Variants in RTF1 observed in about 807,000 individuals in gnomAD.
The protein encoded by RTF1 is RTF1 homolog, Paf1/RNA polymerase II complex component.
Under a neutral mutation model 95.7 loss-of-function variants are expected in RTF1, and 10 were observed. The ratio of observed to expected loss-of-function variants is 0.10; its 90% CI spans 0.06 to 0.18. The LOEUF (loss-of-function observed/expected upper bound fraction) is 0.18, where lower values mean the gene tolerates loss of function less well. Ranked by LOEUF, RTF1 falls within the 10% of genes least tolerant of loss-of-function variation. The pLI is 1.00. For synonymous variants in RTF1, 305 were observed against 311.8 expected, an observed-to-expected ratio of 0.98 and a Z score of 0.23; for missense variants, 458 against 875.6, an observed-to-expected ratio of 0.52 and a Z score of 6.02.
chr15:41,438,145 A>G lies in RTF1; in HGVS notation c.199-176A>G, dbSNP rs577688949. Among the ~76,000 whole-genome samples, 11 of 151,252 alleles carry G rather than the reference A, an allele frequency of 7.3e-5. No homozygotes were observed. In the East Asian group the frequency reaches 1.9e-3, roughly 26 times the overall value. On this transcript the variant is annotated intron_variant, in intron 1 of 17. Transcript: ENST00000389629. ...GGGCAGATTTTCTAAACATTTCTTC[A>G]GCATCTTGGAATCCTAGCAGTCAGT...
intron 3 of RTF1, among the ~76,000 whole-genome samples, chr15:41,457,360 C>A (rs371031149): frequency 6.2e-4 from 95 of 152,152 alleles, no homozygotes; most frequent in Middle Eastern, 3.4e-3. Context: ...ATGGTGAAAC[C>A]CCGTCTCCAA....
At chr15:41,439,421 A>G (rs2050721657) in intron 2 of RTF1, among the ~76,000 whole-genome samples, 1 of 152,168 alleles carries the variant, frequency 6.6e-6, no homozygotes, top group Non-Finnish European at 1.5e-5. Flanking sequence ...TTAATGGGAA[A>G]TACTTTAGTG....
Position 41,480,228 on chromosome 15 carries a change from T to C in RTF1, c.1929T>C (p.Asp643=). ...TCACATTCCAGGGTCAAGGCAAAGATAAAGATTTGAATTCTAAGTCAGCCA... is the reference window on the plus strand; with the variant it reads ...TCACATTCCAGGGTCAAGGCAAAGACAAAGATTTGAATTCTAAGTCAGCCA... ...PKEMSKGQGK[D]KDLNSKSASD... is the part of the protein sequence containing the mutation. The change falls in exon 17 of 18, where the codon GAT becomes GAC. Residue 643 remains aspartate, a synonymous_variant. Coordinates refer to ENST00000389629, the MANE Select transcript of RTF1 (RefSeq NM_015138.5). 6.2e-7 allele frequency: 1 copy of C among 1,611,718 alleles called. No individual in the cohort carries two copies. The highest frequency in any genetic ancestry group is 8.5e-7 in the Non-Finnish European group (1 of 1,177,790).
chr15:41,458,839 A>T (rs763957095), intron 4 of RTF1, among the ~76,000 whole-genome samples: 10 of 152,064 alleles, frequency 6.6e-5, no homozygotes, highest in Non-Finnish European at 1.3e-4. Flanking sequence ...TGGGAGGCCA[A>T]GGCGGGCGGA....
intron 2 of RTF1, among the ~76,000 whole-genome samples, chr15:41,440,558 C>T (rs2140952733): frequency 6.8e-6 from 1 of 146,780 alleles, no homozygotes; most frequent in Non-Finnish European, 1.5e-5. Context: ...GGTGCGATCT[C>T]AGCTCACTGC....
chr15:41,438,393 G>A lies in RTF1; in HGVS notation c.271G>A (p.Ala91Thr). ...EKEPPVSQPA[A>T]SSDSETSDSD... is the part of the protein sequence containing the mutation. ...GGAGCCGCCTGTGAGTCAGCCTGCA[G>A]CCTCGTCAGACTCGGAGACGTCTGA... Residue 91 changes from alanine to threonine, a missense_variant, in exon 2 of 18, where the codon GCC becomes ACC. This residue lies in a region of RTF1 where 44 missense variants were observed against 99.5 expected (regional missense o/e 0.44). Coordinates refer to ENST00000389629, the MANE Select transcript of RTF1 (RefSeq NM_015138.5). 4 of 1,551,324 alleles carry A rather than the reference G, an allele frequency of 2.6e-6. No homozygotes were observed. The highest frequency in any genetic ancestry group is 3.5e-6 in the Non-Finnish European group (4 of 1,146,706).
rs1370861634 is a variant in RTF1 at position 41,476,431 on chromosome 15, T to C, written c.1483-15T>C. On this transcript the variant is annotated splice_polypyrimidine_tract_variant and intron_variant, in intron 11 of 17. Coordinates refer to ENST00000389629, the MANE Select transcript of RTF1 (RefSeq NM_015138.5). ...TTAGGAATACCTCACTGCTGGTATC[T>C]CCTCTCTGGTACAGATTGTAAAAGA... 1 of 1,609,728 alleles carries C rather than the reference T, an allele frequency of 6.2e-7. No homozygotes were observed. Among genetic ancestry groups the C allele is most frequent in the East Asian group, 2.2e-5 (1 of 44,840 alleles).
intron 1 of RTF1, among the ~76,000 whole-genome samples, chr15:41,430,364 T>C (rs2050663222): frequency 6.6e-6 from 1 of 151,784 alleles, no homozygotes; most frequent in South Asian, 2.1e-4. Flanking sequence ...CAACTAATCT[T>C]TTGTATTTTT....
Position 41,434,050 on chromosome 15 carries a change from G to A in RTF1, c.199-4271G>A, listed in dbSNP as rs191101143. ...AGTAGAGATGCGGTTTCTCCATGTT[G>A]GTCAGGCTGGTCTCGAACTCCCAAC... is the stretch of plus-strand genomic sequence containing the variant. On this transcript the variant is annotated intron_variant, in intron 1 of 17. Transcript: ENST00000389629. 1.2e-3 allele frequency among the ~76,000 whole-genome samples: 178 copies of A among 151,532 alleles called. 1 individual carries two copies. Among genetic ancestry groups the A allele is most frequent in the Non-Finnish European group, 1.6e-3 (110 of 67,938 alleles).
chr15:41,457,447 C>T (rs1260349827), intron 3 of RTF1, among the ~76,000 whole-genome samples: 7 of 152,050 alleles, frequency 4.6e-5, no homozygotes, highest in Non-Finnish European at 5.9e-5. Context: ...GCAGGAGAAT[C>T]GCTTGAACCC....
chr15:41,480,450 A>C (rs915674346), intron 17 of RTF1, 125 bp downstream of exon 17: 1 of 942,848 alleles, frequency 1.1e-6, no homozygotes, highest in Non-Finnish European at 1.7e-6. Flanking sequence ...TCCACAGGCC[A>C]GGCCAAGACA....
At chr15:41,454,397 A>T (rs1448855662) in intron 3 of RTF1, among the ~76,000 whole-genome samples, 2 of 152,118 alleles carry the variant, frequency 1.3e-5, no homozygotes, top group African/African-American at 2.4e-5. Context: ...GGCCATAAAA[A>T]AATTTTTTTT....
chr15:41,471,371 C>CAATTGTAT (rs770034790), intron 8 of RTF1, 22 bp downstream of exon 8: 36 of 1,594,990 alleles, frequency 2.3e-5, no homozygotes, highest in Middle Eastern at 1.7e-4. Context: ...TTCCCTTGGA[C>CAATTGTAT]AATTGTCCAT....
intron 1 of RTF1, among the ~76,000 whole-genome samples, chr15:41,424,106 TTGGG>T (rs749348431): frequency 3.4e-4 from 51 of 152,152 alleles, no homozygotes; most frequent in Non-Finnish European, 2.4e-4. Context: ...ACTAGAGCTA[TTGGG>T]TGAACAAAAT....
chr15:41,479,738 C>T (rs977140147), intron 16 of RTF1, among the ~76,000 whole-genome samples: 6 of 151,732 alleles, frequency 4.0e-5, no homozygotes, highest in South Asian at 2.1e-4. Flanking sequence ...TGGCGGGTTC[C>T]GATAACTCCA....
intron 1 of RTF1, among the ~76,000 whole-genome samples, chr15:41,432,238 G>A (rs1321725691): frequency 2.7e-5 from 4 of 147,760 alleles, no homozygotes; most frequent in Non-Finnish European, 4.5e-5. Context: ...CTGTCACTCA[G>A]TCTGGATGGA....
chr15:41,466,113 G>A lies in RTF1; in HGVS notation c.778-28G>A, dbSNP rs1049990202. Reference sequence around the variant, plus strand: ...ATCTTATCAGCTGTTGGTAAAAAGGGCCATTCTATATATCCTTCCCTTCCT... The same window carrying A: ...ATCTTATCAGCTGTTGGTAAAAAGGACCATTCTATATATCCTTCCCTTCCT... On this transcript the variant is annotated intron_variant, in intron 5 of 17. Coordinates refer to ENST00000389629, the MANE Select transcript of RTF1 (RefSeq NM_015138.5). 3.5e-6 allele frequency: 5 copies of A among 1,432,032 alleles called. 1 individual carries two copies. In the African/African-American group the frequency reaches 5.7e-5, roughly 16 times the overall value. The allele number at this position is 1,432,032 out of a possible 1,614,324, so 88.7% of individuals were successfully genotyped here.
chr15:41,436,232 A>G (rs1410632495), intron 1 of RTF1, among the ~76,000 whole-genome samples: 1 of 150,864 alleles, frequency 6.6e-6, no homozygotes, highest in Non-Finnish European at 1.5e-5. Flanking sequence ...CAGGCGGATC[A>G]CGAGGTCAGG....
At chr15:41,450,423 TA>T (rs990546329) in intron 2 of RTF1, among the ~76,000 whole-genome samples, 30 of 151,510 alleles carry the variant, frequency 2.0e-4, no homozygotes, top group African/African-American at 7.0e-4. Flanking sequence ...CCGTCTCTGC[TA>T]AAAATACAAA....
Sources: gnomAD v4.1 joint callset for allele counts (sites outside exome capture counted in the v4.1 genomes callset) on GRCh38, gnomAD v4.1.1 for gene constraint, gnomAD v4.1.1 regional missense constraint, MANE v1.5 for transcripts, NCBI Gene and HGNC (gene_info 2026-07-23, HGNC 2026-07-21) for gene names.